Variants in RFPL2 observed in about 807,000 individuals in gnomAD.
RFPL2 encodes the protein ret finger protein like 2, also known as ret finger protein-like 2.
RFPL2 carries 13 observed loss-of-function variants against 17.8 expected under a neutral mutation model. The observed-to-expected ratio is 0.73, with a 90% CI of 0.47 to 1.16. RFPL2 has a LOEUF of 1.16. Among genes scored for constraint, RFPL2 ranks in the 50% most tolerant of loss-of-function variants. RFPL2 has a pLI of 0.00. For synonymous variants in RFPL2, 189 were observed against 180.9 expected (o/e 1.04, Z -0.36); for missense variants, 431 against 479.3 (o/e 0.90, Z 0.94).
chr22:32,192,148 T>C (rs1313801502), intron 4 of RFPL2, among the ~76,000 whole-genome samples: 1 of 152,098 alleles, frequency 6.6e-6, no homozygotes, highest in Non-Finnish European at 1.5e-5. Context: ...CAGTCAGTTT[T>C]GGGTAGGTGG....
rs1377466765 is a variant in RFPL2 at position 32,193,059 on chromosome 22, A to G, written c.399T>C (p.His133=). The G allele has an allele frequency of 9.9e-6, 16 of 1,613,858 alleles. No individual in the cohort carries two copies. Among genetic ancestry groups the G allele is most frequent in the Middle Eastern group, 1.6e-4 (1 of 6,080 alleles). The part of the protein sequence containing the change: ...KCINSLQKEP[H]GEDLLCCCSS... ...AGCAACAGCAAAGTAGATCCTCCCC[A>G]TGGGGCTCCTTCTGCAGTGAATTAA... is the stretch of plus-strand genomic sequence containing the variant. The change falls in exon 4 of 5, where the codon CAT becomes CAC. Residue 133 remains histidine (H), a synonymous_variant. Coordinates refer to ENST00000652607, the MANE Select transcript of RFPL2 (RefSeq NM_001394555.1).
At chr22:32,204,584 C>T (rs1924341542) in intron 1 of RFPL2, among the ~76,000 whole-genome samples, 123 bp downstream of exon 1, 1 of 151,996 alleles carries the variant, frequency 6.6e-6, no homozygotes. Context: ...TCATCCACCC[C>T]GCCACCTTTC....
At chr22:32,194,653 A>G (rs901394781) in intron 2 of RFPL2, among the ~76,000 whole-genome samples, 163 bp from the exon 3 acceptor site, 12 of 152,354 alleles carry the variant, frequency 7.9e-5, no homozygotes, top group Non-Finnish European at 1.2e-4. Flanking sequence ...CTAACTTCAA[A>G]AGCTTATTTT....
rs143687660 is a variant in RFPL2 at position 32,204,764 on chromosome 22, C to A, written c.-157G>T. On this transcript the variant is annotated 5_prime_UTR_variant, in exon 1 of 5. It adds an upstream start codon to the 5' untranslated region. Coordinates refer to ENST00000652607, the MANE Select transcript of RFPL2 (RefSeq NM_001394555.1). Reference sequence around the variant, plus strand: ...GAAGTGCCTGGAATGGCAAGAACCCCTCCCCCCACAGACCGAGGTTATGCA... The same window carrying A: ...GAAGTGCCTGGAATGGCAAGAACCCATCCCCCCACAGACCGAGGTTATGCA... Among the ~76,000 whole-genome samples, 1 of 152,368 alleles carries A rather than the reference C, an allele frequency of 6.6e-6. No individual in the cohort carries two copies. Among genetic ancestry groups the A allele is most frequent in the Non-Finnish European group, 1.5e-5 (1 of 68,042 alleles).
intron 4 of RFPL2, among the ~76,000 whole-genome samples, chr22:32,192,303 G>A (rs1259272098): frequency 3.9e-5 from 6 of 152,146 alleles, no homozygotes; most frequent in Non-Finnish European, 8.8e-5. Context: ...GAGTTATAGA[G>A]ATGTATAGTA....
intron 2 of RFPL2, among the ~76,000 whole-genome samples, chr22:32,201,883 C>T (rs1048581579): frequency 6.6e-5 from 10 of 152,180 alleles, no homozygotes; most frequent in African/African-American, 2.4e-4. Flanking sequence ...GAGTCTCTCC[C>T]ACGGCTCCTG....
intron 2 of RFPL2, among the ~76,000 whole-genome samples, chr22:32,200,943 C>T (rs902939231): frequency 7.2e-5 from 11 of 151,828 alleles, no homozygotes; most frequent in Non-Finnish European, 1.2e-4. Context: ...GAAACACACA[C>T]AAAAGGCCGG....
Position 32,194,419 on chromosome 22 carries a change from G to C in RFPL2, c.191C>G (p.Ser64Trp). Residue 64 changes from serine to tryptophan, a missense_variant, in exon 3 of 5, where the codon TCG becomes TGG. Ser to Trp is a radical substitution (Grantham distance 177). Coordinates refer to ENST00000652607, the MANE Select transcript of RFPL2 (RefSeq NM_001394555.1). ...GGGNLTNKRP[S>W]CAPSPQDLSA... ...CAGGTCTTGTGGGGAAGGGGCACAC[G>C]AGGGCCTTTTATTGGTGAGATTCCC... The C allele has an allele frequency of 6.2e-7, 1 of 1,611,326 alleles. No homozygotes were observed. The highest frequency in any genetic ancestry group is 8.5e-7 in the Non-Finnish European group (1 of 1,179,322).
intron 2 of RFPL2, 76 bp downstream of exon 2, chr22:32,202,257 C>A: frequency 6.5e-7 from 1 of 1,529,726 alleles, no homozygotes; most frequent in Admixed American, 2.0e-5. Context: ...TCACTGTGAC[C>A]CTCCTCCTGC....
At chr22:32,197,354 T>G (rs1440884459) in intron 2 of RFPL2, among the ~76,000 whole-genome samples, 1 of 152,182 alleles carries the variant, frequency 6.6e-6, no homozygotes, top group African/African-American at 2.4e-5. Flanking sequence ...AAAGAGCTTT[T>G]CTTTCCTCAC....
rs757615076 is a variant in RFPL2 at position 32,191,245 on chromosome 22, C to T, written c.664G>A (p.Glu222Lys). Residue 222 changes from glutamate to lysine, a missense_variant, in exon 5 of 5, where the codon GAG (glutamate) becomes AAG (lysine). Glu to Lys is a moderately conservative substitution (Grantham distance 56). Transcript: ENST00000652607. The stretch of plus-strand genomic sequence containing the variant: ...ATGCAAACGGACACGTCAAATCTCT[C>T]GGCAAGGTCTTGCCGATTCTGTCTG... Reference protein sequence around the residue: ...RIRQNRQDLAERFDVSVCILG... With the variant: ...RIRQNRQDLAKRFDVSVCILG... 17 of 1,613,872 alleles carry T rather than the reference C, an allele frequency of 1.1e-5. No homozygotes were observed. The highest frequency in any genetic ancestry group is 4.0e-5 in the African/African-American group (3 of 74,928).
At chr22:32,194,186 A>C (rs116697542) in intron 3 of RFPL2, among the ~76,000 whole-genome samples, 159 bp downstream of exon 3, 1,943 of 152,288 alleles carry the variant, frequency 0.013, 49 homozygotes, top group African/African-American at 0.044. Context: ...ACACTCCTAG[A>C]CTGGGGATCC....
At chr22:32,192,719 G>A (rs1922810561) in intron 4 of RFPL2, among the ~76,000 whole-genome samples, 183 bp downstream of exon 4, 1 of 152,240 alleles carries the variant, frequency 6.6e-6, no homozygotes, top group South Asian at 2.1e-4. Context: ...GTTTTTGTTT[G>A]TTTTTGTTTT....
intron 2 of RFPL2, among the ~76,000 whole-genome samples, chr22:32,200,395 C>T (rs1923792193): frequency 6.6e-6 from 1 of 152,094 alleles, no homozygotes; most frequent in African/African-American, 2.4e-5. Flanking sequence ...CTCTTCATTT[C>T]TTAGCTAACA....
rs550170080 is a variant in RFPL2, at chr22:32,197,388, CT to C, written c.120-2899del. On this transcript the variant is annotated intron_variant, in intron 2 of 4. Coordinates refer to ENST00000652607, the MANE Select transcript of RFPL2 (RefSeq NM_001394555.1). Reference sequence around the variant, plus strand: ...ACACCCACAGTCCAGAAGCCAAGTTCTTTTTTTTTTCTTTTTTTTTACTTCA... The same window carrying C: ...ACACCCACAGTCCAGAAGCCAAGTTCTTTTTTTTTCTTTTTTTTTACTTCA... Among the ~76,000 whole-genome samples, 521 of 148,602 alleles carry C rather than the reference CT, an allele frequency of 3.5e-3. 4 individuals carry two copies. Among genetic ancestry groups the C allele is most frequent in the African/African-American group, 7.5e-3 (303 of 40,484 alleles).
rs1289066277 is a variant in RFPL2, at chr22:32,194,442, C to A, written c.168G>T (p.Gly56=). The change falls in exon 3 of 5, where the codon GGG becomes GGT. Residue 56 remains glycine, a synonymous_variant. Transcript: ENST00000652607. ...ACGAGGGCCTTTTATTGGTGAGATT[C>A]CCACCTCCCACTGGGTCACGCCCTT... ...GVEGRDPVGG[G]NLTNKRPSCA... 1 of 1,611,358 alleles carries A rather than the reference C, an allele frequency of 6.2e-7. No individual in the cohort carries two copies. Among genetic ancestry groups the A allele is most frequent in the Non-Finnish European group, 8.5e-7 (1 of 1,179,262 alleles).
intron 2 of RFPL2, among the ~76,000 whole-genome samples, chr22:32,197,454 C>T (rs374973253): frequency 2.5e-4 from 38 of 151,528 alleles, no homozygotes; most frequent in South Asian, 1.3e-3. Flanking sequence ...GGGGTGCATG[C>T]GCACAACATG....
chr22:32,203,055 G>C, intron 1 of RFPL2: 1 of 985,680 alleles, frequency 1.0e-6, no homozygotes, highest in Non-Finnish European at 1.2e-6. Context: ...GAGGAGGACC[G>C]CTCCTCTCTT....
chr22:32,196,467 C>T (rs1923345487), intron 2 of RFPL2, among the ~76,000 whole-genome samples: 1 of 152,126 alleles, frequency 6.6e-6, no homozygotes, highest in Non-Finnish European at 1.5e-5. Flanking sequence ...GCTTGGGAGA[C>T]AGTGTGTAGG....
Sources: gnomAD v4.1 joint callset for allele counts (sites outside exome capture counted in the v4.1 genomes callset) on GRCh38, gnomAD v4.1.1 for gene constraint, MANE v1.5 for transcripts, NCBI Gene and HGNC (gene_info 2026-07-23, HGNC 2026-07-21) for gene names.